The following CDH13 variants were observed in gnomAD, a reference collection of about 807,000 sequenced individuals.
The protein encoded by CDH13 is cadherin 13, also known as cadherin-13.
In CDH13, 24 loss-of-function variants were observed where a neutral mutation model predicts 63.8. The ratio of observed to expected loss-of-function variants is 0.38; its 90% confidence interval spans 0.27 to 0.53. The LOEUF (loss-of-function observed/expected upper bound fraction) is 0.53. Ranked by LOEUF, CDH13 falls within the 20% of genes least tolerant of loss-of-function variation. CDH13 has a pLI of 0.85. For missense variants in CDH13, 1,049 were observed against 903.1 expected, an observed-to-expected ratio of 1.16 and a Z score of -2.07; for synonymous variants, 503 against 355.3, an observed-to-expected ratio of 1.42 and a Z score of -4.67.
intron 3 of CDH13, among the ~76,000 whole-genome samples, chr16:83,124,413 T>C (rs1401654555): frequency 6.6e-6 from 1 of 152,236 alleles, no homozygotes; most frequent in Non-Finnish European, 1.5e-5. Flanking sequence ...TAGTCCTTTG[T>C]TGAATACATA....
At chr16:83,430,696 A>G (rs181840095) in intron 6 of CDH13, among the ~76,000 whole-genome samples, 1 of 152,336 alleles carries the variant, frequency 6.6e-6, no homozygotes, top group East Asian at 1.9e-4. Flanking sequence ...TTTCTCAACA[A>G]GGATCTGAAA....
chr16:83,403,256 G>T (rs1027908499), intron 6 of CDH13, among the ~76,000 whole-genome samples: 1 of 152,114 alleles, frequency 6.6e-6, no homozygotes, highest in Non-Finnish European at 1.5e-5. Flanking sequence ...GTCACCCCCT[G>T]CTTCACAGTG....
chr16:82,805,353 A>G (rs570200181), intron 1 of CDH13, among the ~76,000 whole-genome samples: 1 of 152,200 alleles, frequency 6.6e-6, no homozygotes, highest in African/African-American at 2.4e-5. Flanking sequence ...TTCTCATTTG[A>G]TGATTAGAAA....
Position 83,163,378 on chromosome 16 carries a change from T to C in CDH13, c.483+37877T>C, listed in dbSNP as rs572532652. On this transcript the variant is annotated intron_variant, in intron 4 of 13. Coordinates refer to ENST00000567109, the MANE Select transcript of CDH13 (RefSeq NM_001257.5). ...TTCCACTGGGATGTCCATCTTGTGG[T>C]CAAAACCTGCACCCCAGGTAACATA... Among the ~76,000 whole-genome samples the C allele has an allele frequency of 1.1e-3, 161 of 152,142 alleles. 3 individuals carry two copies. The highest frequency in any genetic ancestry group is 3.4e-3 in the Middle Eastern group (1 of 294).
chr16:82,722,669 T>C (rs74028587), intron 1 of CDH13, among the ~76,000 whole-genome samples: 1,765 of 152,192 alleles, frequency 0.012, 31 homozygotes, highest in African/African-American at 0.04. Context: ...AGATGGCAGG[T>C]AGACAGAAGG....
chr16:82,904,518 G>T (rs908675116), intron 2 of CDH13, among the ~76,000 whole-genome samples: 2 of 152,142 alleles, frequency 1.3e-5, no homozygotes, highest in African/African-American at 2.4e-5. Flanking sequence ...AGGTTGGGGC[G>T]AAAGTAATTT....
chr16:83,035,176 A>T (rs1205726732), intron 3 of CDH13, among the ~76,000 whole-genome samples: 2 of 152,332 alleles, frequency 1.3e-5, no homozygotes, highest in Middle Eastern at 3.4e-3. Context: ...CTCAATGGAT[A>T]TGCACGTGGT....
At chr16:82,869,859 A>T (rs1217161520) in intron 2 of CDH13, among the ~76,000 whole-genome samples, 1 of 152,228 alleles carries the variant, frequency 6.6e-6, no homozygotes, top group Non-Finnish European at 1.5e-5. Context: ...AAATCTAAGA[A>T]CTGAAACTCT....
At chr16:83,461,298 C>T (rs2073176063) in intron 6 of CDH13, among the ~76,000 whole-genome samples, 1 of 151,914 alleles carries the variant, frequency 6.6e-6, no homozygotes, top group South Asian at 2.1e-4. Flanking sequence ...AGCTATGTAA[C>T]ATTTATCAGG....
At chr16:82,750,544 G>A (rs1306734331) in intron 1 of CDH13, among the ~76,000 whole-genome samples, 1 of 152,190 alleles carries the variant, frequency 6.6e-6, no homozygotes, top group African/African-American at 2.4e-5. Flanking sequence ...GACATAGACT[G>A]AAGAAGGTTC....
intron 1 of CDH13, chr16:82,825,700 C>T (rs909772554): frequency 6.6e-6 from 1 of 151,894 alleles, no homozygotes; most frequent in African/African-American, 2.4e-5. Flanking sequence ...CATGCACCAC[C>T]ATGCCCGGCT....
chr16:83,261,492 AGT>A (rs1906986712), intron 5 of CDH13, among the ~76,000 whole-genome samples: 1 of 152,046 alleles, frequency 6.6e-6, no homozygotes, highest in Non-Finnish European at 1.5e-5. Flanking sequence ...GACAGGAATG[AGT>A]GGGGCTAGGT....
At chr16:82,798,455 T>A (rs2036694953) in intron 1 of CDH13, among the ~76,000 whole-genome samples, 1 of 152,170 alleles carries the variant, frequency 6.6e-6, no homozygotes, top group Admixed American at 6.5e-5. Context: ...AATGTGATGG[T>A]GTGATTAGAC....
chr16:82,779,970 CACTTTAG>C (rs1178937576), intron 1 of CDH13, among the ~76,000 whole-genome samples: 1 of 152,118 alleles, frequency 6.6e-6, no homozygotes, highest in Admixed American at 6.5e-5. Context: ...TTGACAGGCG[CACTTTAG>C]GGGATGCAGT....
intron 7 of CDH13, among the ~76,000 whole-genome samples, chr16:83,520,795 T>G (rs1009761896): frequency 2.0e-5 from 3 of 151,954 alleles, no homozygotes; most frequent in African/African-American, 7.3e-5. Flanking sequence ...GCCTGGAGAG[T>G]GCTGAGGGAC....
At position 82,877,633 on chromosome 16, in the gene CDH13, T is replaced by C. The variant is rs73590376; in HGVS notation, c.157+19160T>C. On this transcript the variant is annotated intron_variant, in intron 2 of 13. Transcript: ENST00000567109. ...GTTTGGGAAATTCTGTTTTGTTTTT[T>C]AATTTAAACTGTAGGCCCTCTCAAG... is the stretch of plus-strand genomic sequence containing the variant. Among the ~76,000 whole-genome samples the C allele has an allele frequency of 2.9e-3, 443 of 152,236 alleles. 2 individuals are homozygous for C. Among genetic ancestry groups the C allele is most frequent in the African/African-American group, 0.01 (432 of 41,538 alleles).
chr16:83,579,191 T>G (rs1020919768), intron 7 of CDH13, among the ~76,000 whole-genome samples: 9 of 152,206 alleles, frequency 5.9e-5, no homozygotes, highest in African/African-American at 2.2e-4. Context: ...TACCTCACTG[T>G]TACCACCTCA....
intron 4 of CDH13, among the ~76,000 whole-genome samples, chr16:83,188,216 T>A (rs978876296): frequency 6.6e-6 from 1 of 152,018 alleles, no homozygotes; most frequent in Non-Finnish European, 1.5e-5. Context: ...GGCTGACGGA[T>A]GGAGAATAGA....
rs142547486 is a variant in CDH13 at position 83,756,503 on chromosome 16, G to A, written c.1681+8253G>A. Among the ~76,000 whole-genome samples, 336 of 152,264 alleles carry A rather than the reference G, an allele frequency of 2.2e-3. 1 individual carries two copies. Among genetic ancestry groups the A allele is most frequent in the African/African-American group, 5.4e-3 (223 of 41,556 alleles). On this transcript the variant is annotated intron_variant, in intron 11 of 13. Transcript: ENST00000567109. ...TGTGGCCCAGAATGGCTTTGAATGC[G>A]GCCCAACACAAATTTTTAAACTTTC... is the stretch of plus-strand genomic sequence containing the variant.
Sources: allele counts gnomAD v4.1 joint callset (sites outside exome capture counted in the v4.1 genomes callset), GRCh38; gene constraint gnomAD v4.1.1; transcripts MANE v1.5; gene names NCBI Gene and HGNC (gene_info 2026-07-23, HGNC 2026-07-21).